The following ZNF804A variants were observed in gnomAD, a reference collection of about 807,000 sequenced individuals.
ZNF804A encodes zinc finger protein 804A.
A neutral mutation model predicts 16.5 loss-of-function variants in ZNF804A; 2 were observed. That is an observed-to-expected ratio of 0.12 (90% CI 0.05 to 0.38). The LOEUF (loss-of-function observed/expected upper bound fraction) is 0.38, where lower values mean the gene tolerates loss of function less well. Ranked by LOEUF, ZNF804A falls within the 10% of genes least tolerant of loss-of-function variation. ZNF804A has a pLI of 0.99. For missense variants in ZNF804A, 1,473 were observed against 1,390.7 expected (o/e 1.06, Z -0.94); for synonymous variants, 534 against 489.6 (o/e 1.09, Z -1.20).
chr2:184,875,518 A>T (rs998511762), intron 2 of ZNF804A, among the ~76,000 whole-genome samples: 2 of 152,118 alleles, frequency 1.3e-5, no homozygotes, highest in Non-Finnish European at 2.9e-5. Context: ...CCAGAAGCAG[A>T]TGCTGCCCTC....
At chr2:184,825,510 A>G (rs564880969) in intron 1 of ZNF804A, among the ~76,000 whole-genome samples, 5 of 152,092 alleles carry the variant, frequency 3.3e-5, no homozygotes, top group East Asian at 1.9e-4. Flanking sequence ...GTGTGTGTGT[A>G]TATATATGTA....
chr2:184,668,239 A>C (rs1692282246), intron 1 of ZNF804A, among the ~76,000 whole-genome samples: 1 of 151,928 alleles, frequency 6.6e-6, no homozygotes, highest in African/African-American at 2.4e-5. Flanking sequence ...GGCATGATTC[A>C]ATAAAATGAA....
At chr2:184,733,560 G>C (rs1294293191) in intron 1 of ZNF804A, among the ~76,000 whole-genome samples, 1 of 152,002 alleles carries the variant, frequency 6.6e-6, no homozygotes, top group Non-Finnish European at 1.5e-5. Flanking sequence ...ACTTCCTTCT[G>C]CTTTGATCTT....
Position 184,654,240 on chromosome 2 carries a change from G to A in ZNF804A, c.111+55170G>A, listed in dbSNP as rs995405839. Among the ~76,000 whole-genome samples the A allele has an allele frequency of 4.6e-5, 7 of 152,330 alleles. No homozygotes were observed. The South Asian group carries it at 6.2e-4, about 14-fold the overall frequency. Reference sequence around the variant, plus strand: ...ACAAAGACAGGCAAATAAAGAAATGGGCAAGGCCTTAGGTATTTTCTGCTT... The same window carrying A: ...ACAAAGACAGGCAAATAAAGAAATGAGCAAGGCCTTAGGTATTTTCTGCTT... On this transcript the variant is annotated intron_variant, in intron 1 of 3. Coordinates refer to ENST00000302277, the MANE Select transcript of ZNF804A (RefSeq NM_194250.2).
intron 2 of ZNF804A, among the ~76,000 whole-genome samples, chr2:184,872,884 T>A (rs1695997136): frequency 6.6e-6 from 1 of 152,190 alleles, no homozygotes; most frequent in South Asian, 2.1e-4. Flanking sequence ...GTTTTGTTGA[T>A]ACAGGTATAG....
At chr2:184,909,776 A>T (rs1009797897) in intron 2 of ZNF804A, among the ~76,000 whole-genome samples, 3 of 152,008 alleles carry the variant, frequency 2.0e-5, no homozygotes, top group African/African-American at 7.2e-5. Flanking sequence ...CTGATATTTA[A>T]TAAGAAGACA....
At chr2:184,908,444 T>C (rs1286753875) in intron 2 of ZNF804A, among the ~76,000 whole-genome samples, 1 of 152,188 alleles carries the variant, frequency 6.6e-6, no homozygotes, top group East Asian at 1.9e-4. Flanking sequence ...TATTCTTCTT[T>C]TAAGGTTCTT....
intron 1 of ZNF804A, among the ~76,000 whole-genome samples, chr2:184,852,852 G>A (rs925173289): frequency 2.6e-5 from 4 of 151,556 alleles, no homozygotes; most frequent in South Asian, 2.1e-4. Flanking sequence ...ATATCTTTGT[G>A]GCATATTTTG....
At chr2:184,686,441 C>T (rs553591348) in intron 1 of ZNF804A, among the ~76,000 whole-genome samples, 1 of 152,326 alleles carries the variant, frequency 6.6e-6, no homozygotes, top group African/African-American at 2.4e-5. Context: ...ATCTAATCTA[C>T]CATTAATGGA....
At chr2:184,865,296 G>T (rs960034872) in intron 1 of ZNF804A, among the ~76,000 whole-genome samples, 2 of 151,756 alleles carry the variant, frequency 1.3e-5, no homozygotes, top group South Asian at 4.2e-4. Flanking sequence ...GTTTACACAC[G>T]GAAACATTGT....
intron 1 of ZNF804A, among the ~76,000 whole-genome samples, chr2:184,782,306 G>C (rs1051052640): frequency 1.3e-5 from 2 of 151,594 alleles, no homozygotes; most frequent in African/African-American, 4.8e-5. Flanking sequence ...GATCCTGGGT[G>C]TGTCTACGAA....
chr2:184,716,036 C>T lies in ZNF804A; in HGVS notation c.111+116966C>T, dbSNP rs572097826. On this transcript the variant is annotated intron_variant, in intron 1 of 3. Coordinates refer to ENST00000302277, the MANE Select transcript of ZNF804A (RefSeq NM_194250.2). ...ATGAGCCCAACCAAAATCCATTATT[C>T]CTATCAGTTTTGTAACTTGTAAATA... Among the ~76,000 whole-genome samples the T allele has an allele frequency of 2.6e-5, 4 of 152,174 alleles. No homozygotes were observed. In the East Asian group the frequency reaches 7.7e-4, roughly 29 times the overall value.
chr2:184,815,831 AG>A (rs1694974456), intron 1 of ZNF804A, among the ~76,000 whole-genome samples: 1 of 152,022 alleles, frequency 6.6e-6, no homozygotes, highest in Non-Finnish European at 1.5e-5. Context: ...TATCAAGATG[AG>A]GAAATGATAT....
At chr2:184,604,792 G>T (rs1028586485) in intron 1 of ZNF804A, among the ~76,000 whole-genome samples, 1 of 152,078 alleles carries the variant, frequency 6.6e-6, no homozygotes. Flanking sequence ...TATTTCTATC[G>T]TTATATTTTA....
chr2:184,600,848 C>T (rs359896), intron 1 of ZNF804A, among the ~76,000 whole-genome samples: 149,496 of 152,274 alleles, frequency 0.98, 73,419 homozygotes, highest in Non-Finnish European at 0.99. Flanking sequence ...TCATGACTTA[C>T]ATTTGCAAAA....
chr2:184,726,554 A>G (rs1000860558), intron 1 of ZNF804A, among the ~76,000 whole-genome samples: 1 of 151,750 alleles, frequency 6.6e-6, no homozygotes, highest in East Asian at 1.9e-4. Flanking sequence ...ATTTTGGACG[A>G]GAGTTAAGAA....
At position 184,783,335 on chromosome 2, in the gene ZNF804A, C is replaced by T. The variant is rs577971607; in HGVS notation, c.112-83034C>T. ...GAAGCTTCCAAGTTTTTATTATAAA[C>T]TAGGCAGATATCTTTATTTGTTAAA... On this transcript the variant is annotated intron_variant, in intron 1 of 3. Transcript: ENST00000302277. Among the ~76,000 whole-genome samples, 115 of 151,246 alleles carry T rather than the reference C, an allele frequency of 7.6e-4. 1 individual carries two copies. The highest frequency in any genetic ancestry group is 7.6e-3 in the Admixed American group (115 of 15,128).
chr2:184,922,846 A>T (rs894976238), intron 2 of ZNF804A, among the ~76,000 whole-genome samples: 11 of 152,076 alleles, frequency 7.2e-5, no homozygotes, highest in African/African-American at 2.7e-4. Context: ...TGTTCTTTGA[A>T]ACTTTGTTGA....
intron 2 of ZNF804A, among the ~76,000 whole-genome samples, chr2:184,888,626 A>G (rs1002942698): frequency 1.3e-5 from 2 of 152,150 alleles, no homozygotes; most frequent in Non-Finnish European, 1.5e-5. Context: ...TCAGTATGTC[A>G]GAATCATGGA....
Sources: allele counts gnomAD v4.1 joint callset (sites outside exome capture counted in the v4.1 genomes callset), GRCh38; gene constraint gnomAD v4.1.1; transcripts MANE v1.5; gene names NCBI Gene and HGNC (gene_info 2026-07-23, HGNC 2026-07-21).